WNT9B: variants seen among roughly 807,000 people sequenced by gnomAD.
The protein encoded by WNT9B is Wnt family member 9B.
A neutral mutation model predicts 30.2 loss-of-function variants in WNT9B; 12 were observed. That is an observed-to-expected ratio of 0.40 (90% confidence interval 0.26 to 0.64). The LOEUF (loss-of-function observed/expected upper bound fraction) is 0.64, where lower values mean the gene tolerates loss of function less well. Among genes scored for constraint, WNT9B ranks in the 30% least tolerant of loss-of-function variants. The probability of loss-of-function intolerance (pLI) is 0.42; values close to 1 mark genes in which losing one functional copy is unlikely to be tolerated. For synonymous variants in WNT9B, 218 were observed against 216.9 expected, an observed-to-expected ratio of 1.01 and a Z score of -0.05; for missense variants, 442 against 485.2, an observed-to-expected ratio of 0.91 and a Z score of 0.84.
chr17:46,864,860 C>T (rs1383135845), intron 1 of WNT9B, among the ~76,000 whole-genome samples: 3 of 152,202 alleles, frequency 2.0e-5, no homozygotes, highest in Non-Finnish European at 4.4e-5. Context: ...TGCCCTCCTG[C>T]TTCCCCGCAC....
chr17:46,870,904 CTTTTTT>C (rs144277402), intron 1 of WNT9B, among the ~76,000 whole-genome samples: 3 of 78,394 alleles, frequency 3.8e-5, no homozygotes, highest in African/African-American at 5.0e-5. Context: ...TCCACCTTTG[CTTTTTT>C]TTTTTTTTTT....
In WNT9B at chr17:46,853,295, G is replaced by A. The variant is rs147384075; in HGVS notation, c.77+1580G>A. ...ATACTGCCTATTTTATAAGAAGATT[G>A]AGCTAGTACATGTAAAGCACTTAGG... is the stretch of plus-strand genomic sequence containing the variant. On this transcript the variant is annotated intron_variant, in intron 1 of 3. Transcript: ENST00000290015. Among the ~76,000 whole-genome samples, 1,264 of 149,338 alleles carry A rather than the reference G, an allele frequency of 8.5e-3. 78 individuals carry two copies. Among genetic ancestry groups the A allele is most frequent in the Admixed American group, 0.08 (1,197 of 14,982 alleles).
Position 46,875,156 on chromosome 17 carries a change from C to T in WNT9B, c.390C>T (p.Thr130=), listed in dbSNP as rs1301937396. The change falls in exon 3 of 4, where the codon ACC becomes ACT. Residue 130 remains threonine (T), a synonymous_variant. Coordinates refer to ENST00000290015, the MANE Select transcript of WNT9B (RefSeq NM_003396.3). Reference sequence around the variant, plus strand: ...TGTCCTCTGCCGCCCTCACCCACACCCTGGCCCGGGCCTGCAGCGCTGGGC... The same window carrying T: ...TGTCCTCTGCCGCCCTCACCCACACTCTGGCCCGGGCCTGCAGCGCTGGGC... ...YAVSSAALTH[T]LARACSAGRM... The T allele has an allele frequency of 1.2e-6, 2 of 1,613,924 alleles. No individual in the cohort carries two copies. Among genetic ancestry groups the T allele is most frequent in the Non-Finnish European group, 1.7e-6 (2 of 1,180,042 alleles).
At position 46,836,969 on chromosome 17, in the gene WNT9B, G is replaced by A; in HGVS notation, c.95+3529G>A. ...CTTTTTTTCTTTTTTTTGAGACAGA[G>A]TCTCGCTCTGTCGCCCAGGCTGTAG... On this transcript the variant is annotated intron_variant, in intron 1 of 2. Transcript: ENST00000575372. Among the ~76,000 whole-genome samples, 2 of 152,110 alleles carry A rather than the reference G, an allele frequency of 1.3e-5. 1 individual carries two copies. Among genetic ancestry groups the A allele is most frequent in the Middle Eastern group, 6.8e-3 (2 of 294 alleles).
At chr17:46,839,125 G>A (rs1183429190) in intron 1 of WNT9B, among the ~76,000 whole-genome samples, 2 of 152,156 alleles carry the variant, frequency 1.3e-5, no homozygotes, top group Admixed American at 6.5e-5. Context: ...AGTTCCGCCC[G>A]CCTCGGCCTC....
At chr17:46,835,502 C>T (rs1423976900) in intron 1 of WNT9B, among the ~76,000 whole-genome samples, 5 of 152,196 alleles carry the variant, frequency 3.3e-5, no homozygotes, top group African/African-American at 7.2e-5. Context: ...TGAGCCACCA[C>T]GCCCAGCCCA....
At chr17:46,862,155 C>A in intron 1 of WNT9B, among the ~76,000 whole-genome samples, 1 of 125,976 alleles carries the variant, frequency 7.9e-6, no homozygotes. Context: ...AAGAGTGAAA[C>A]TCCGTCTCAA....
At chr17:46,865,758 A>C (rs888282261) in intron 1 of WNT9B, among the ~76,000 whole-genome samples, 2 of 152,108 alleles carry the variant, frequency 1.3e-5, no homozygotes, top group Non-Finnish European at 2.9e-5. Flanking sequence ...GGCACGTGCC[A>C]CCATGCCCAG....
chr17:46,861,580 C>T (rs749494648), intron 1 of WNT9B, among the ~76,000 whole-genome samples: 7 of 152,160 alleles, frequency 4.6e-5, no homozygotes, highest in Non-Finnish European at 1.0e-4. Flanking sequence ...TTATCCCCAT[C>T]GGACTCCAGA....
intron 1 of WNT9B, among the ~76,000 whole-genome samples, chr17:46,833,804 G>A (rs535972286): frequency 7.2e-5 from 11 of 152,230 alleles, no homozygotes; most frequent in Non-Finnish European, 1.2e-4. Context: ...GCTCCTGATC[G>A]GGAGGCTTGC....
chr17:46,878,249 C>T lies in WNT9B; in HGVS notation c.*1531C>T, dbSNP rs922469622. Among the ~76,000 whole-genome samples the T allele has an allele frequency of 2.0e-5, 3 of 152,242 alleles. No homozygotes were observed. Among genetic ancestry groups the T allele is most frequent in the East Asian group, 1.9e-4 (1 of 5,190 alleles). On this transcript the variant is annotated 3_prime_UTR_variant, in exon 4 of 4. Transcript: ENST00000290015. Reference sequence around the variant, plus strand: ...CGCCCATCTGTCAGCTTCCTTTCTCCCTAAACCTAGAGTTGCTGACCCTTC... The same window carrying T: ...CGCCCATCTGTCAGCTTCCTTTCTCTCTAAACCTAGAGTTGCTGACCCTTC...
Position 46,872,786 on chromosome 17 carries a change from G to C in WNT9B, c.334+13G>C. 1 of 1,565,408 alleles carries C rather than the reference G, an allele frequency of 6.4e-7. No homozygotes were observed. Among genetic ancestry groups the C allele is most frequent in the Non-Finnish European group, 8.7e-7 (1 of 1,145,472 alleles). ...CTGCTCAAGAGAGGTGGGGAGGAGG[G>C]CTAGGGGACGGGGAGGGCTGGGGGA... is the stretch of plus-strand genomic sequence containing the variant. On this transcript the variant is annotated intron_variant, in intron 2 of 3. Coordinates refer to ENST00000290015, the MANE Select transcript of WNT9B (RefSeq NM_003396.3).
intron 1 of WNT9B, among the ~76,000 whole-genome samples, chr17:46,862,261 A>C (rs2146570878): frequency 6.6e-6 from 1 of 152,258 alleles, no homozygotes; most frequent in Non-Finnish European, 1.5e-5. Context: ...ATAAAAATTA[A>C]AAAATTAAAA....
At chr17:46,864,057 G>A (rs1421561154) in intron 1 of WNT9B, among the ~76,000 whole-genome samples, 2 of 152,198 alleles carry the variant, frequency 1.3e-5, no homozygotes, top group African/African-American at 2.4e-5. Flanking sequence ...AGGGGGTCAC[G>A]CACAAGGCAT....
intron 1 of WNT9B, among the ~76,000 whole-genome samples, chr17:46,834,909 A>C (rs1046579031): frequency 6.6e-6 from 1 of 152,138 alleles, no homozygotes; most frequent in African/African-American, 2.4e-5. Context: ...ATGGCCATTG[A>C]GCTCACCTGT....
At chr17:46,850,705 C>A (rs527915194), upstream of WNT9B, among the ~76,000 whole-genome samples, 1 of 152,346 alleles carries the variant, frequency 6.6e-6, no homozygotes, top group African/African-American at 2.4e-5. Context: ...TTGATCTCTG[C>A]ACCTTCGCAG....
Position 46,879,034 on chromosome 17 carries a change from C to A in WNT9B, c.*2316C>A, listed in dbSNP as rs1291062647. The stretch of plus-strand genomic sequence containing the variant: ...CCTGGGGACTAGAGTGACCACTGAC[C>A]CCTCATTCTACAGCTTTAAGGGAAA... On this transcript the variant is annotated 3_prime_UTR_variant, in exon 4 of 4. Coordinates refer to ENST00000290015, the MANE Select transcript of WNT9B (RefSeq NM_003396.3). Among the ~76,000 whole-genome samples, 1 of 152,164 alleles carries A rather than the reference C, an allele frequency of 6.6e-6. No individual in the cohort carries two copies. Among genetic ancestry groups the A allele is most frequent in the Non-Finnish European group, 1.5e-5 (1 of 68,022 alleles).
chr17:46,882,111 G>A (rs190859481), downstream of WNT9B, among the ~76,000 whole-genome samples: 7 of 152,300 alleles, frequency 4.6e-5, no homozygotes, highest in Admixed American at 1.3e-4. Flanking sequence ...AGCTGTGATT[G>A]CACCACTGCC....
intron 1 of WNT9B, among the ~76,000 whole-genome samples, chr17:46,867,582 C>T (rs1379085124): frequency 6.6e-6 from 1 of 152,224 alleles, no homozygotes; most frequent in Non-Finnish European, 1.5e-5. Context: ...TCCCTGGGGT[C>T]CTGCTGACGG....
Sources: gnomAD v4.1 joint callset for allele counts (sites outside exome capture counted in the v4.1 genomes callset) on GRCh38, gnomAD v4.1.1 for gene constraint, MANE v1.5 for transcripts, NCBI Gene and HGNC (gene_info 2026-07-23, HGNC 2026-07-21) for gene names.